Variants in MYH11 observed in about 807,000 individuals in gnomAD.
MYH11 encodes the protein myosin-11.
Under a neutral mutation model 246.6 loss-of-function variants are expected in MYH11, and 80 were observed. That is an observed-to-expected ratio of 0.32 (90% CI 0.27 to 0.39). The LOEUF (loss-of-function observed/expected upper bound fraction) is 0.39, where lower values mean the gene tolerates loss of function less well. MYH11 is among the 10% of genes least tolerant of loss of function. The pLI is 1.00. For synonymous variants in MYH11, 1,071 were observed against 1,015.5 expected, an observed-to-expected ratio of 1.05 and a Z score of -1.04; for missense variants, 2,158 against 2,546.8, an observed-to-expected ratio of 0.85 and a Z score of 3.29.
At chr16:15,816,155 C>A (rs1252494426) in intron 3 of MYH11, among the ~76,000 whole-genome samples, 1 of 152,016 alleles carries the variant, frequency 6.6e-6, no homozygotes, top group Non-Finnish European at 1.5e-5. Context: ...AAGAGGAAGA[C>A]ATGAAAACTG....
At chr16:15,777,356 A>G (rs2042247491) in intron 7 of MYH11, among the ~76,000 whole-genome samples, 1 of 152,124 alleles carries the variant, frequency 6.6e-6, no homozygotes, top group Non-Finnish European at 1.5e-5. Context: ...CCTGACCTCA[A>G]GTGGTCTGCC....
chr16:15,821,104 T>C (rs1022698522), intron 3 of MYH11, among the ~76,000 whole-genome samples: 5 of 152,208 alleles, frequency 3.3e-5, no homozygotes, highest in African/African-American at 1.2e-4. Flanking sequence ...ACTCATGACC[T>C]CGAGCAATCC....
chr16:15,778,640 GCTGT>G, intron 7 of MYH11, 136 bp downstream of exon 7: 1 of 873,256 alleles, frequency 1.1e-6, no homozygotes, highest in East Asian at 2.5e-5. Flanking sequence ...CACAATGCCT[GCTGT>G]TAAGGGGAGA....
At chr16:15,709,472 GGCTGGCTAATTTTC>G (rs2039658427) in intron 40 of MYH11, among the ~76,000 whole-genome samples, 1 of 152,056 alleles carries the variant, frequency 6.6e-6, no homozygotes, top group Non-Finnish European at 1.5e-5. Context: ...GCACCACCGT[GGCTGGCTAATTTTC>G]ATATTTTTAG....
intron 32 of MYH11, 51 bp from the exon 33 acceptor site, chr16:15,721,102 C>T (rs777947286): frequency 5.6e-6 from 9 of 1,597,470 alleles, no homozygotes; most frequent in Admixed American, 1.7e-5. Context: ...TTCATGAAGA[C>T]GATTGAGAAA....
chr16:15,791,942 G>C (rs1427924818), intron 4 of MYH11: 1 of 152,094 alleles, frequency 6.6e-6, no homozygotes, highest in Non-Finnish European at 1.5e-5. Flanking sequence ...CCAAAGTGCT[G>C]GGACTACAGG....
At chr16:15,807,981 C>T (rs1026849116) in intron 3 of MYH11, among the ~76,000 whole-genome samples, 1 of 151,936 alleles carries the variant, frequency 6.6e-6, no homozygotes, top group Non-Finnish European at 1.5e-5. Flanking sequence ...GGGGACTGAG[C>T]ACAGACCCAG....
At chr16:15,756,263 C>T (rs2041712687) in intron 14 of MYH11, 78 bp downstream of exon 14, 39 of 1,523,198 alleles carry the variant, frequency 2.6e-5, no homozygotes, top group Non-Finnish European at 3.2e-5. Context: ...AAGGTTCTGC[C>T]ACTCTCAGAC....
Position 15,772,087 on chromosome 16 carries a change from C to CTTT in MYH11, c.890-378_890-376dup, listed in dbSNP as rs35008322. Among the ~76,000 whole-genome samples the CTTT allele has an allele frequency of 7.2e-3, 758 of 105,912 alleles. 13 individuals carry two copies. The highest frequency in any genetic ancestry group is 0.012 in the Middle Eastern group (2 of 168). 69.5% of individuals were successfully genotyped at this position (105,912 alleles called of 152,430 possible). ...CAGAAGAGTTAGATCAACCTTTACTCTTTTTTTTTTTTTTTTTTTTTTGAG... is the reference window on the plus strand; with the variant it reads ...CAGAAGAGTTAGATCAACCTTTACTCTTTTTTTTTTTTTTTTTTTTTTTTTGAG... On this transcript the variant is annotated intron_variant, in intron 8 of 40. Transcript: ENST00000300036.
intron 7 of MYH11, 135 bp from the exon 8 acceptor site, chr16:15,776,311 G>T: frequency 1.4e-6 from 1 of 709,666 alleles, no homozygotes; most frequent in Non-Finnish European, 2.6e-6. Flanking sequence ...GTCTAACTTT[G>T]ACCATTGCCC....
At chr16:15,781,067 C>T (rs1051243017) in intron 6 of MYH11, among the ~76,000 whole-genome samples, 1 of 151,910 alleles carries the variant, frequency 6.6e-6, no homozygotes, top group African/African-American at 2.4e-5. Context: ...TGCTGAAATG[C>T]ACTTTATTTA....
rs184194085 is a variant in MYH11 at position 15,720,762 on chromosome 16, C to A, written c.4791+77G>T. 565 of 1,481,536 alleles carry A rather than the reference C, an allele frequency of 3.8e-4. 5 individuals are homozygous for A. The highest frequency in any genetic ancestry group is 6.9e-5 in the Non-Finnish European group (74 of 1,066,168). The allele number at this position is 1,481,536 out of a possible 1,614,324, so 91.8% of individuals were successfully genotyped here. A position where few individuals can be genotyped will look rare whatever the true frequency, so the allele number is the denominator to read the frequency against. Reference sequence around the variant, plus strand: ...AAAAATAAAGAAAACGAAGTTTCCACACCAACCATGAGAGTGGTGATAGGA... The same window carrying A: ...AAAAATAAAGAAAACGAAGTTTCCAAACCAACCATGAGAGTGGTGATAGGA... On this transcript the variant is annotated intron_variant, in intron 33 of 40. Transcript: ENST00000300036.
intron 6 of MYH11, chr16:15,779,121 AT>A (rs2042290556): frequency 1.8e-6 from 1 of 551,944 alleles, no homozygotes; most frequent in Non-Finnish European, 3.3e-6. Context: ...GGCTATCCCT[AT>A]TTAAAAAAAC....
At chr16:15,818,679 C>G (rs1192606963) in intron 3 of MYH11, among the ~76,000 whole-genome samples, 6 of 152,090 alleles carry the variant, frequency 3.9e-5, no homozygotes, top group African/African-American at 1.4e-4. Context: ...CTCATGATCC[C>G]CCCACCTTGG....
Position 15,724,255 on chromosome 16 carries a change from C to T in MYH11, c.4271G>A (p.Arg1424Lys). Residue 1424 changes from arginine (R) to lysine (K), a missense_variant, in exon 31 of 41, where the codon AGG (arginine) becomes AAG (lysine). By Grantham distance (26) the Arg-to-Lys change is conservative (BLOSUM62 2). Transcript: ENST00000300036. The stretch of plus-strand genomic sequence containing the variant: ...CAGGTCGTCCAGCTCCTGCTGAAGC[C>T]TGTTCTTGGTCTTTTCCAGTTTATC... ...AYDKLEKTKNRLQQELDDLVV... is the reference protein window; with the variant it reads ...AYDKLEKTKNKLQQELDDLVV... 6.2e-7 allele frequency: 1 copy of T among 1,614,208 alleles called. No individual in the cohort carries two copies.
intron 1 of MYH11, among the ~76,000 whole-genome samples, chr16:15,839,760 C>T (rs962172504): frequency 6.6e-6 from 1 of 150,376 alleles, no homozygotes; most frequent in African/African-American, 2.4e-5. Flanking sequence ...TCAAGAGTTG[C>T]CAGAGGAGGC....
At chr16:15,851,853 G>A (rs1434050548) in intron 1 of MYH11, among the ~76,000 whole-genome samples, 2 of 152,096 alleles carry the variant, frequency 1.3e-5, no homozygotes, top group Non-Finnish European at 2.9e-5. Flanking sequence ...CCCTGTGAAG[G>A]ATGCTTCTGG....
chr16:15,824,236 GA>G (rs2043498071), intron 2 of MYH11, among the ~76,000 whole-genome samples: 2 of 151,940 alleles, frequency 1.3e-5, no homozygotes, highest in South Asian at 4.1e-4. Context: ...CCAGTGACGG[GA>G]GCAGTTAAGT....
At chr16:15,749,802 T>G in intron 16 of MYH11, 1 of 447,038 alleles carries the variant, frequency 2.2e-6, no homozygotes, top group East Asian at 3.9e-5. Flanking sequence ...TGCACCAGAT[T>G]ATGAGAAACC....
Sources: gnomAD v4.1 joint callset for allele counts (sites outside exome capture counted in the v4.1 genomes callset) on GRCh38, gnomAD v4.1.1 for gene constraint, MANE v1.5 for transcripts, NCBI Gene and HGNC (gene_info 2026-07-23, HGNC 2026-07-21) for gene names.